PLXNA4: variants seen among roughly 807,000 people sequenced by gnomAD.
The protein encoded by PLXNA4 is plexin A4.
PLXNA4 carries 44 observed loss-of-function variants against 191.8 expected under a neutral mutation model. That is an observed-to-expected ratio of 0.23 (90% CI 0.18 to 0.29). The LOEUF (loss-of-function observed/expected upper bound fraction) is 0.29, where lower values mean the gene tolerates loss of function less well. Among genes scored for constraint, PLXNA4 ranks in the 10% least tolerant of loss-of-function variants. The pLI, the probability that PLXNA4 is intolerant of heterozygous loss-of-function variation, is 1.00. For missense variants in PLXNA4, 1,800 were observed against 2,488.8 expected, an observed-to-expected ratio of 0.72 and a Z score of 5.89; for synonymous variants, 1,082 against 1,009.5, an observed-to-expected ratio of 1.07 and a Z score of -1.36.
chr7:132,338,507 A>G (rs955012013), intron 3 of PLXNA4, among the ~76,000 whole-genome samples: 10 of 152,244 alleles, frequency 6.6e-5, no homozygotes, highest in Non-Finnish European at 1.3e-4. Flanking sequence ...GTTGTTCCAC[A>G]CTTTCAGGAC....
chr7:132,366,499 G>A (rs149704145), intron 3 of PLXNA4, among the ~76,000 whole-genome samples: 320 of 152,114 alleles, frequency 2.1e-3, no homozygotes, highest in African/African-American at 7.5e-3. Flanking sequence ...ACTCCAGCCT[G>A]GGCAACAGAG....
At chr7:132,439,442 T>G (rs1016962602) in intron 3 of PLXNA4, among the ~76,000 whole-genome samples, 1 of 152,184 alleles carries the variant, frequency 6.6e-6, no homozygotes, top group African/African-American at 2.4e-5. Flanking sequence ...GATATACAAA[T>G]ACACAATATA....
At chr7:132,440,054 A>G (rs1795637706) in intron 3 of PLXNA4, among the ~76,000 whole-genome samples, 1 of 152,074 alleles carries the variant, frequency 6.6e-6, no homozygotes, top group Admixed American at 6.5e-5. Context: ...CCATGCTGCC[A>G]TAAAACACAA....
chr7:132,640,336 A>G (rs1429035723), intron 2 of PLXNA4, among the ~76,000 whole-genome samples: 1 of 152,224 alleles, frequency 6.6e-6, no homozygotes, highest in East Asian at 1.9e-4. Flanking sequence ...ATAAATGCAT[A>G]TAGCCATAGG....
At chr7:132,537,083 T>C (rs1451966826) in intron 1 of PLXNA4, among the ~76,000 whole-genome samples, 1 of 152,192 alleles carries the variant, frequency 6.6e-6, no homozygotes, top group African/African-American at 2.4e-5. Flanking sequence ...GGCTGCTGCC[T>C]GGAGGAGCGA....
intron 3 of PLXNA4, among the ~76,000 whole-genome samples, chr7:132,438,919 T>C (rs3752706): frequency 0.77 from 117,606 of 152,230 alleles, 47,837 homozygotes; most frequent in Non-Finnish European, 0.91. Flanking sequence ...ATATGAAACA[T>C]ATGGATGTAT....
chr7:132,562,985 T>TCCCTCCTCCTCCTCTCCCTCCTCCTC (rs1563175152), intron 1 of PLXNA4, among the ~76,000 whole-genome samples: 1 of 7,594 alleles, frequency 1.3e-4, no homozygotes, highest in African/African-American at 3.9e-4. Flanking sequence ...TCCTCCTCCT[T>TCCCTCCTCCTCCTCTCCCTCCTCCTC]CTCCTCCTCC....
chr7:132,506,776 G>T (rs893568632), intron 2 of PLXNA4, among the ~76,000 whole-genome samples: 7 of 152,076 alleles, frequency 4.6e-5, no homozygotes, highest in African/African-American at 1.7e-4. Flanking sequence ...TCTCCCTCTG[G>T]CTCCCCACAG....
chr7:132,600,038 T>A (rs949312845), intron 2 of PLXNA4, among the ~76,000 whole-genome samples: 3 of 152,238 alleles, frequency 2.0e-5, no homozygotes, highest in Non-Finnish European at 2.9e-5. Context: ...TCCTACTTGA[T>A]AATGATGTGT....
intron 24 of PLXNA4, among the ~76,000 whole-genome samples, chr7:132,160,111 T>C (rs1795904596): frequency 6.6e-6 from 1 of 152,270 alleles, no homozygotes; most frequent in Non-Finnish European, 1.5e-5. Context: ...TCACTCCTTC[T>C]TGGACACACA....
At chr7:132,415,631 C>T (rs566230504) in intron 3 of PLXNA4, among the ~76,000 whole-genome samples, 1 of 152,208 alleles carries the variant, frequency 6.6e-6, no homozygotes, top group East Asian at 1.9e-4. Flanking sequence ...ACTTCCCTTT[C>T]TCCCTCTTTC....
chr7:132,485,365 G>C (rs1797514502), intron 3 of PLXNA4, among the ~76,000 whole-genome samples: 1 of 152,176 alleles, frequency 6.6e-6, no homozygotes, highest in Non-Finnish European at 1.5e-5. Flanking sequence ...CACCTCAAGT[G>C]GAAGTTTATG....
chr7:132,174,775 C>T lies in PLXNA4; in HGVS notation c.4017+3G>A, dbSNP rs758598979. 10 of 1,613,572 alleles carry T rather than the reference C, an allele frequency of 6.2e-6. No homozygotes were observed. In the African/African-American group the frequency reaches 1.2e-4, roughly 19 times the overall value. On this transcript the variant is annotated splice_donor_region_variant and intron_variant, in intron 21 of 31. Transcript: ENST00000321063. ...AATGCCAGGATGGAGCACTGCTTCT[C>T]ACCTCAAGGTCCCGGAGGACAGGGT...
intron 1 of PLXNA4, among the ~76,000 whole-genome samples, chr7:132,647,838 TAAAC>T (rs1803910070): frequency 6.7e-6 from 1 of 149,468 alleles, no homozygotes; most frequent in Non-Finnish European, 1.5e-5. Flanking sequence ...TATACACTCA[TAAAC>T]ACACACTATC....
chr7:132,348,387 C>T (rs1197116192), intron 3 of PLXNA4, among the ~76,000 whole-genome samples: 1 of 152,178 alleles, frequency 6.6e-6, no homozygotes, highest in Admixed American at 6.5e-5. Context: ...GAGGGAAGTC[C>T]AGCCCAAGGA....
At chr7:132,416,790 G>A (rs1227079649) in intron 3 of PLXNA4, among the ~76,000 whole-genome samples, 1 of 151,312 alleles carries the variant, frequency 6.6e-6, no homozygotes, top group African/African-American at 2.5e-5. Flanking sequence ...AATACTTCTT[G>A]AATAAACCAA....
chr7:132,400,445 CAT>C (rs1326545383), intron 3 of PLXNA4, among the ~76,000 whole-genome samples: 3 of 152,138 alleles, frequency 2.0e-5, no homozygotes, highest in East Asian at 1.9e-4. Context: ...CCTCAAATTC[CAT>C]ATGTTTGACA....
intron 30 of PLXNA4, among the ~76,000 whole-genome samples, 170 bp downstream of exon 30, chr7:132,140,429 G>T (rs1474609033): frequency 6.6e-6 from 1 of 152,124 alleles, no homozygotes; most frequent in Non-Finnish European, 1.5e-5. Context: ...TGGTTTCAGG[G>T]GACAGCAGCA....
chr7:132,286,807 A>C (rs1047455383), intron 4 of PLXNA4, among the ~76,000 whole-genome samples: 2 of 152,182 alleles, frequency 1.3e-5, no homozygotes, highest in Middle Eastern at 3.2e-3. Context: ...ATCCAGAGAC[A>C]ACATAGCTCT....
Sources: allele counts gnomAD v4.1 joint callset (sites outside exome capture counted in the v4.1 genomes callset), GRCh38; gene constraint gnomAD v4.1.1; transcripts MANE v1.5; gene names NCBI Gene and HGNC (gene_info 2026-07-23, HGNC 2026-07-21).